CCK: variants seen among roughly 807,000 people sequenced by gnomAD.
CCK encodes the protein cholecystokinin.
A neutral mutation model predicts 10.1 loss-of-function variants in CCK; 11 were observed. The observed-to-expected ratio is 1.09, with a 90% CI of 0.69 to 1.81. CCK has a LOEUF of 1.81. Ranked by LOEUF, CCK falls within the 40% of genes most tolerant of loss-of-function variation. The probability of loss-of-function intolerance (pLI) is 0.00; values close to 1 mark genes in which losing one functional copy is unlikely to be tolerated. For synonymous variants in CCK, 83 were observed against 71.9 expected, an observed-to-expected ratio of 1.15 and a Z score of -0.78; for missense variants, 137 against 159.9, an observed-to-expected ratio of 0.86 and a Z score of 0.77.
At chr3:42,262,440 G>A (rs538995747) in intron 4 of CCK, among the ~76,000 whole-genome samples, 16 of 152,096 alleles carry the variant, frequency 1.1e-4, no homozygotes, top group African/African-American at 2.2e-4. Context: ...GGCTGGTCTC[G>A]AACTCCTGAC....
rs747125661 is a variant in CCK, at chr3:42,258,103, A to C, written c.343T>G (p.Ser115Ala). 6 of 1,612,478 alleles carry C rather than the reference A, an allele frequency of 3.7e-6. No individual in the cohort carries two copies. The East Asian group carries it at 1.3e-4, about 36-fold the overall frequency. The change falls in exon 5 of 5, where the codon TCC (serine) becomes GCC (alanine). Residue 115 changes from serine (S) to alanine (A), a missense_variant. Physicochemically the swap from Ser to Ala is moderately conservative, Grantham distance 99. Transcript: ENST00000396169. Reference protein sequence around the residue: ...RRSAEEYEYPS With the variant: ...RRSAEEYEYPA The stretch of plus-strand genomic sequence containing the variant: ...GCTGATGGCGGCTGGGTCCTCTAGG[A>C]GGGGTACTCATACTCCTCGGCACTG...
Position 42,263,541 on chromosome 3 carries a change from G to T in CCK, c.90C>A (p.Gly30=). ...CCTCCTCTGCCCGCTGCAGCCCGGA[G>T]CCCGCGGGATCTGCGGGAGGCACCG... The part of the protein sequence containing the change: ...TQPVPPADPA[G]SGLQRAEEAP... The change falls in exon 4 of 5, where the codon GGC becomes GGA. Residue 30 remains glycine, a synonymous_variant. Coordinates refer to ENST00000396169, the MANE Select transcript of CCK (RefSeq NM_000729.6). The T allele has an allele frequency of 6.2e-7, 1 of 1,612,774 alleles. No individual in the cohort carries two copies. Among genetic ancestry groups the T allele is most frequent in the Non-Finnish European group, 8.5e-7 (1 of 1,179,464 alleles).
intron 3 of CCK, 154 bp from the exon 4 acceptor site, chr3:42,263,786 C>G: frequency 1.5e-6 from 2 of 1,324,672 alleles, no homozygotes; most frequent in Non-Finnish European, 2.0e-6. Context: ...AAGCGCTGAC[C>G]CCAGCCGAGT....
intron 1 of CCK, 26 bp from the exon 2 acceptor site, chr3:42,265,463 G>T (rs890209294): frequency 6.6e-5 from 10 of 152,344 alleles, no homozygotes; most frequent in East Asian, 1.9e-4. Flanking sequence ...GACACCATCT[G>T]GTTTTGCTCA....
At chr3:42,259,381 CATAA>C (rs781779189) in intron 4 of CCK, among the ~76,000 whole-genome samples, 4 of 152,152 alleles carry the variant, frequency 2.6e-5, no homozygotes, top group Admixed American at 6.5e-5. Flanking sequence ...TCCTTTGCTA[CATAA>C]ATACTCTTTT....
chr3:42,258,242 C>A lies in CCK; in HGVS notation c.215-11G>T, dbSNP rs771638565. On this transcript the variant is annotated splice_polypyrimidine_tract_variant and intron_variant, in intron 4 of 4. Transcript: ENST00000396169. ...TTCGTCCAGAAGGAGCTACAAGGAG[C>A]AGGGAGGAAGGAAACAGGGACATTG... 1.2e-6 allele frequency: 2 copies of A among 1,609,514 alleles called. No individual in the cohort carries two copies. The highest frequency in any genetic ancestry group is 2.7e-5 in the African/African-American group (2 of 74,544).
intron 4 of CCK, among the ~76,000 whole-genome samples, chr3:42,258,853 G>C (rs536611530): frequency 6.6e-6 from 1 of 152,116 alleles, no homozygotes; most frequent in African/African-American, 2.4e-5. Context: ...CCATTACTGG[G>C]TATATACCCA....
At chr3:42,260,057 G>C (rs1391519580) in intron 4 of CCK, among the ~76,000 whole-genome samples, 1 of 152,170 alleles carries the variant, frequency 6.6e-6, no homozygotes, top group Non-Finnish European at 1.5e-5. Flanking sequence ...TGCAAAGGCA[G>C]TTACCCTGGG....
intron 4 of CCK, 96 bp downstream of exon 4, chr3:42,263,321 A>T (rs1711241333): frequency 1.9e-6 from 3 of 1,570,378 alleles, no homozygotes; most frequent in Non-Finnish European, 1.8e-6. Flanking sequence ...CTACCGAGAG[A>T]GGTCATCCCC....
At chr3:42,265,584 G>C (rs1455367317) in intron 1 of CCK, 100 bp downstream of exon 1, 1 of 152,242 alleles carries the variant, frequency 6.6e-6, no homozygotes, top group Non-Finnish European at 1.5e-5. Context: ...AGGGTCCTGG[G>C]GAACTTGACC....
chr3:42,263,274 G>T, intron 4 of CCK, 143 bp downstream of exon 4: 1 of 1,278,322 alleles, frequency 7.8e-7, no homozygotes, highest in Non-Finnish European at 1.1e-6. Context: ...TTCTCAGATT[G>T]CTACAAAGGA....
intron 3 of CCK, 26 bp from the exon 4 acceptor site, chr3:42,263,658 C>G (rs1382143324): frequency 6.7e-7 from 1 of 1,499,968 alleles, no homozygotes; most frequent in Non-Finnish European, 8.9e-7. Flanking sequence ...GAGGAGGGCG[C>G]GTTAACTGAA....
intron 4 of CCK, 170 bp downstream of exon 4, chr3:42,263,247 T>G (rs767527384): frequency 1.0e-6 from 1 of 979,520 alleles, no homozygotes; most frequent in East Asian, 2.5e-5. Context: ...ACTTATAAAT[T>G]AAGTCCTCCA....
intron 4 of CCK, chr3:42,262,964 A>G (rs1242901708): frequency 4.7e-6 from 1 of 211,980 alleles, no homozygotes; most frequent in African/African-American, 2.4e-5. Flanking sequence ...CTTTGGTGGA[A>G]ATGGACACAT....
At chr3:42,258,822 A>C (rs1711173638) in intron 4 of CCK, among the ~76,000 whole-genome samples, 1 of 152,204 alleles carries the variant, frequency 6.6e-6, no homozygotes, top group African/African-American at 2.4e-5. Flanking sequence ...AGAACCAGAA[A>C]TACCATATGA....
rs11571876 is a variant in CCK at position 42,257,893 on chromosome 3, T to C, written c.*205A>G. On this transcript the variant is annotated 3_prime_UTR_variant, in exon 5 of 5. Coordinates refer to ENST00000396169, the MANE Select transcript of CCK (RefSeq NM_000729.6). ...AGGAGTCACAGATGAAGAAAACATT[T>C]TGTCTTCCATTTGCACAATTCTGGT... 4.0e-3 allele frequency: 2,087 copies of C among 516,210 alleles called. 32 individuals are homozygous for C. The highest frequency in any genetic ancestry group is 0.035 in the African/African-American group (1,834 of 52,006). The allele number at this position is 516,210 out of a possible 1,614,324, so 32.0% of individuals were successfully genotyped here. A position where few individuals can be genotyped will look rare whatever the true frequency, so the allele number is the denominator to read the frequency against.
intron 4 of CCK, among the ~76,000 whole-genome samples, chr3:42,262,566 C>T (rs1002721027): frequency 6.6e-6 from 1 of 152,208 alleles, no homozygotes; most frequent in African/African-American, 2.4e-5. Context: ...GTTCAGCACA[C>T]TGCTCCACAG....
intron 4 of CCK, among the ~76,000 whole-genome samples, chr3:42,259,958 A>C (rs1456242988): frequency 6.6e-6 from 1 of 152,172 alleles, no homozygotes; most frequent in Admixed American, 6.5e-5. Flanking sequence ...ATGCTGGTCT[A>C]TATCCCTTCT....
chr3:42,258,339 C>A (rs2149570139), intron 4 of CCK, 108 bp from the exon 5 acceptor site: 2 of 1,236,248 alleles, frequency 1.6e-6, no homozygotes, highest in Non-Finnish European at 2.3e-6. Context: ...ATAACAGACA[C>A]CACCTTAAAG....
Sources: allele counts gnomAD v4.1 joint callset (sites outside exome capture counted in the v4.1 genomes callset), GRCh38; gene constraint gnomAD v4.1.1; transcripts MANE v1.5; gene names NCBI Gene and HGNC (gene_info 2026-07-23, HGNC 2026-07-21).